GALNTL6: variants seen among roughly 807,000 people sequenced by gnomAD.
GALNTL6 encodes polypeptide N-acetylgalactosaminyltransferase-like 6.
In GALNTL6, 46 loss-of-function variants were observed where a neutral mutation model predicts 73.7. That is an observed-to-expected ratio of 0.62 (90% CI 0.49 to 0.80). The LOEUF (loss-of-function observed/expected upper bound fraction) is 0.80, where lower values mean the gene tolerates loss of function less well. Among genes scored for constraint, GALNTL6 ranks in the 30% least tolerant of loss-of-function variants. The pLI is 0.00. For synonymous variants in GALNTL6, 259 were observed against 263.7 expected, an observed-to-expected ratio of 0.98 and a Z score of 0.17; for missense variants, 604 against 755.0, an observed-to-expected ratio of 0.80 and a Z score of 2.34.
intron 3 of GALNTL6, among the ~76,000 whole-genome samples, chr4:172,289,045 A>T (rs964468299): frequency 6.6e-6 from 1 of 152,240 alleles, no homozygotes; most frequent in Non-Finnish European, 1.5e-5. Flanking sequence ...TCTTTCATAA[A>T]TATTTGAATC....
intron 5 of GALNTL6, among the ~76,000 whole-genome samples, chr4:172,622,830 T>C (rs1419099037): frequency 1.3e-5 from 2 of 152,124 alleles, no homozygotes; most frequent in Non-Finnish European, 2.9e-5. Flanking sequence ...TTCTTTAATA[T>C]TAATTTGATG....
chr4:172,192,533 G>A (rs1735618941), intron 2 of GALNTL6, among the ~76,000 whole-genome samples: 1 of 152,058 alleles, frequency 6.6e-6, no homozygotes, highest in Admixed American at 6.6e-5. Context: ...CAGAGAGCAA[G>A]GAAAAGCAGG....
chr4:171,854,661 G>A (rs1228951262), intron 2 of GALNTL6, among the ~76,000 whole-genome samples: 4 of 152,182 alleles, frequency 2.6e-5, no homozygotes. Context: ...CTGGGAGGTG[G>A]AAGGTCAAGG....
chr4:171,833,986 T>C (rs962890723), intron 2 of GALNTL6, among the ~76,000 whole-genome samples: 1 of 151,790 alleles, frequency 6.6e-6, no homozygotes, highest in Non-Finnish European at 1.5e-5. Flanking sequence ...GATGTTTTCA[T>C]GTTTTTGCCA....
chr4:172,479,901 A>C (rs937592405), intron 5 of GALNTL6, among the ~76,000 whole-genome samples: 20 of 152,174 alleles, frequency 1.3e-4, no homozygotes, highest in African/African-American at 4.8e-4. Flanking sequence ...AACCTGCAAA[A>C]TGTTGGTTTA....
chr4:172,168,389 C>A (rs933918039), intron 2 of GALNTL6, among the ~76,000 whole-genome samples: 3 of 152,198 alleles, frequency 2.0e-5, no homozygotes, highest in African/African-American at 7.2e-5. Context: ...TCAAGAGATT[C>A]TCCTGCCTCA....
chr4:172,750,607 C>A (rs962035373), intron 5 of GALNTL6, among the ~76,000 whole-genome samples: 1 of 152,192 alleles, frequency 6.6e-6, no homozygotes, highest in African/African-American at 2.4e-5. Context: ...TGCAAATCTG[C>A]AACTCCTCCC....
intron 2 of GALNTL6, among the ~76,000 whole-genome samples, chr4:171,837,374 A>T (rs957859456): frequency 2.6e-5 from 4 of 151,832 alleles, no homozygotes; most frequent in Non-Finnish European, 5.9e-5. Flanking sequence ...TGTATAAAGG[A>T]TATTTTGGGG....
chr4:172,185,059 A>G (rs963396725), intron 2 of GALNTL6, among the ~76,000 whole-genome samples: 6 of 152,212 alleles, frequency 3.9e-5, no homozygotes, highest in African/African-American at 1.2e-4. Context: ...CCTAAACCAT[A>G]GCAGTTAAGT....
Position 172,013,434 on chromosome 4 carries a change from T to C in GALNTL6, c.138+198716T>C, listed in dbSNP as rs1179416287. On this transcript the variant is annotated intron_variant, in intron 2 of 12. Coordinates refer to ENST00000506823, the MANE Select transcript of GALNTL6 (RefSeq NM_001034845.3). ...TATTTGTCTTTCTGTGCCTGGCTTA[T>C]TTTACTTAACACTATGTCCTCGAGT... Among the ~76,000 whole-genome samples the C allele has an allele frequency of 2.0e-5, 3 of 152,116 alleles. No homozygotes were observed. In the South Asian group the frequency reaches 6.2e-4, roughly 32 times the overall value.
At chr4:172,543,448 AG>A (rs2110880013) in intron 5 of GALNTL6, among the ~76,000 whole-genome samples, 1 of 152,328 alleles carries the variant, frequency 6.6e-6, no homozygotes, top group East Asian at 1.9e-4. Flanking sequence ...ACTGGAAGAT[AG>A]GGGCGCTGTC....
At chr4:172,342,484 T>C (rs1319147181) in intron 4 of GALNTL6, among the ~76,000 whole-genome samples, 2 of 152,278 alleles carry the variant, frequency 1.3e-5, no homozygotes, top group East Asian at 3.9e-4. Flanking sequence ...ACAATGCCTT[T>C]CCAATTAGAT....
chr4:172,997,957 A>T (rs1043339402), intron 10 of GALNTL6, among the ~76,000 whole-genome samples: 3 of 152,222 alleles, frequency 2.0e-5, no homozygotes, highest in African/African-American at 7.2e-5. Flanking sequence ...GGTGATTTGA[A>T]GCAGAACACA....
At chr4:171,840,674 A>G (rs1447303633) in intron 2 of GALNTL6, among the ~76,000 whole-genome samples, 1 of 152,148 alleles carries the variant, frequency 6.6e-6, no homozygotes, top group African/African-American at 2.4e-5. Context: ...TTAACTCATC[A>G]TATTATTTTC....
At chr4:172,444,376 T>C (rs1342555011) in intron 5 of GALNTL6, among the ~76,000 whole-genome samples, 1 of 152,212 alleles carries the variant, frequency 6.6e-6, no homozygotes, top group Non-Finnish European at 1.5e-5. Flanking sequence ...TTCCAACTCT[T>C]TGCTATCAAT....
chr4:172,560,920 C>T (rs766673153), intron 5 of GALNTL6, among the ~76,000 whole-genome samples: 3 of 152,132 alleles, frequency 2.0e-5, no homozygotes, highest in Non-Finnish European at 4.4e-5. Flanking sequence ...CTATTATTAA[C>T]ATAATTTCAC....
At chr4:172,447,130 T>C (rs1732050972) in intron 5 of GALNTL6, among the ~76,000 whole-genome samples, 1 of 152,056 alleles carries the variant, frequency 6.6e-6, no homozygotes, top group Non-Finnish European at 1.5e-5. Context: ...TAAATAGCAT[T>C]ATAAAAATGA....
At chr4:172,074,587 G>T (rs74978830) in intron 2 of GALNTL6, among the ~76,000 whole-genome samples, 1 of 151,770 alleles carries the variant, frequency 6.6e-6, no homozygotes, top group Non-Finnish European at 1.5e-5. Flanking sequence ...TGGTCATATA[G>T]CATATGACAA....
At chr4:172,668,437 A>G (rs1396335066) in intron 5 of GALNTL6, 2 of 152,182 alleles carry the variant, frequency 1.3e-5, no homozygotes, top group African/African-American at 2.4e-5. Flanking sequence ...CGGGAGTCCT[A>G]GAAAGAGGAA....
Sources: gnomAD v4.1 joint callset for allele counts (sites outside exome capture counted in the v4.1 genomes callset) on GRCh38, gnomAD v4.1.1 for gene constraint, MANE v1.5 for transcripts, NCBI Gene and HGNC (gene_info 2026-07-23, HGNC 2026-07-21) for gene names.